SIK2: variants seen among roughly 807,000 people sequenced by gnomAD.
SIK2 encodes the protein serine/threonine-protein kinase SIK2.
Under a neutral mutation model 103.2 loss-of-function variants are expected in SIK2, and 29 were observed. The ratio of observed to expected loss-of-function variants is 0.28; its 90% CI spans 0.21 to 0.38. The LOEUF is 0.38. Ranked by LOEUF, SIK2 falls within the 10% of genes least tolerant of loss-of-function variation. SIK2 has a pLI of 1.00. For missense variants in SIK2, 879 were observed against 1,171.0 expected (o/e 0.75, Z 3.64); for synonymous variants, 412 against 446.1 (o/e 0.92, Z 0.96).
At position 111,726,646 on chromosome 11, in the gene SIK2, G is replaced by A. The variant is rs1239955347; in HGVS notation, c.*2517G>A. On this transcript the variant is annotated 3_prime_UTR_variant, in exon 15 of 15. Transcript: ENST00000304987. Reference sequence around the variant, plus strand: ...TTTGCTCAGCCCTGTCTGATCACCTGTGCTGCTCTGTCCCTAACTAGTGAC... The same window carrying A: ...TTTGCTCAGCCCTGTCTGATCACCTATGCTGCTCTGTCCCTAACTAGTGAC... 4.5e-5 allele frequency: 16 copies of A among 353,300 alleles called. No homozygotes were observed. The East Asian group carries it at 8.6e-4, about 19-fold the overall frequency. 21.9% of individuals were successfully genotyped at this position (353,300 alleles called of 1,614,324 possible). A position where few individuals can be genotyped will look rare whatever the true frequency, so the allele number is the denominator to read the frequency against.
chr11:111,713,985 A>G (rs1943572509), intron 9 of SIK2, among the ~76,000 whole-genome samples: 1 of 152,158 alleles, frequency 6.6e-6, no homozygotes, highest in Non-Finnish European at 1.5e-5. Context: ...AATAAATAAA[A>G]TATGATCAGT....
At chr11:111,699,002 T>C (rs1288394489) in intron 4 of SIK2, among the ~76,000 whole-genome samples, 2 of 152,242 alleles carry the variant, frequency 1.3e-5, no homozygotes, top group African/African-American at 4.8e-5. Context: ...TTTGAGAGTA[T>C]AGTTTTTCTA....
Position 111,641,642 on chromosome 11 carries a change from T to C in SIK2, c.316+21240T>C, listed in dbSNP as rs187422172. The stretch of plus-strand genomic sequence containing the variant: ...AGGATCCCAAGTGGTTTCTTGCCTC[T>C]TTATTTCCCTTATCAGTCTTTCCTG... On this transcript the variant is annotated intron_variant, in intron 3 of 14. Coordinates refer to ENST00000304987, the MANE Select transcript of SIK2 (RefSeq NM_015191.3). Among the ~76,000 whole-genome samples the C allele has an allele frequency of 4.8e-3, 736 of 152,328 alleles. 14 individuals are homozygous for C. The highest frequency in any genetic ancestry group is 3.9e-3 in the East Asian group (20 of 5,186).
At chr11:111,698,438 T>G (rs1430662648) in intron 4 of SIK2, among the ~76,000 whole-genome samples, 2 of 152,162 alleles carry the variant, frequency 1.3e-5, no homozygotes, top group Non-Finnish European at 2.9e-5. Context: ...TAAGGGCTCC[T>G]GGAGACATTA....
At chr11:111,719,528 A>G (rs1162268423) in intron 9 of SIK2, among the ~76,000 whole-genome samples, 1 of 152,140 alleles carries the variant, frequency 6.6e-6, no homozygotes, top group Admixed American at 6.5e-5. Flanking sequence ...TGTAATAATG[A>G]TGACTCAGAG....
Position 111,722,722 on chromosome 11 carries a change from C to A in SIK2, c.2113C>A (p.Pro705Thr). Residue 705 changes from proline (P) to threonine (T), a missense_variant, in exon 14 of 15, where the codon CCG becomes ACG. This residue lies in a region of SIK2 where 375 missense variants were observed against 416.3 expected (regional missense o/e 0.90). Transcript: ENST00000304987. The surrounding 1 kb of genome is among the most constrained non-coding windows in gnomAD (Gnocchi z 4.4). ...NTCQLYCKEP[P>T]RSLEQQLQEH... ...CTGTCAGCTTTATTGCAAAGAACCACCGCGGAGCCTTGAGCAGCAGCTGCA... is the reference window on the plus strand; with the variant it reads ...CTGTCAGCTTTATTGCAAAGAACCAACGCGGAGCCTTGAGCAGCAGCTGCA... 1 of 1,614,160 alleles carries A rather than the reference C, an allele frequency of 6.2e-7. No homozygotes were observed. Among genetic ancestry groups the A allele is most frequent in the Non-Finnish European group, 8.5e-7 (1 of 1,179,994 alleles).
intron 2 of SIK2, among the ~76,000 whole-genome samples, chr11:111,617,396 A>G (rs1296739885): frequency 1.3e-5 from 2 of 152,218 alleles, no homozygotes; most frequent in African/African-American, 4.8e-5. Context: ...TTAAACTGAA[A>G]TGTTCCATTA....
chr11:111,658,378 C>T (rs1000942800), intron 3 of SIK2, among the ~76,000 whole-genome samples: 1 of 152,044 alleles, frequency 6.6e-6, no homozygotes, highest in African/African-American at 2.4e-5. Flanking sequence ...CCGTCTTGGC[C>T]TCCCACCAAA....
intron 1 of SIK2, among the ~76,000 whole-genome samples, chr11:111,613,728 C>T (rs560312516): frequency 6.6e-6 from 1 of 152,250 alleles, no homozygotes; most frequent in Admixed American, 6.5e-5. Flanking sequence ...CACCACCAAA[C>T]ATAATGAAAA....
At chr11:111,626,392 A>C (rs996236396) in intron 3 of SIK2, among the ~76,000 whole-genome samples, 1 of 151,426 alleles carries the variant, frequency 6.6e-6, no homozygotes, top group East Asian at 1.9e-4. Context: ...TTTTTTTACA[A>C]AACTATTTCT....
At position 111,602,847 on chromosome 11, in the gene SIK2, C is replaced by G. The variant is rs1157797556; in HGVS notation, c.135+149C>G. On this transcript the variant is annotated intron_variant, in intron 1 of 14. Coordinates refer to ENST00000304987, the MANE Select transcript of SIK2 (RefSeq NM_015191.3). The surrounding 1 kb of genome is among the most constrained non-coding windows in gnomAD (Gnocchi z 4.5). ...GAGCGGGCCTGGGACTGTGAGGACC[C>G]AGGAGGTGCAGGGGGTCGGTGAGCA... The G allele has an allele frequency of 8.6e-7, 1 of 1,168,108 alleles. No individual in the cohort carries two copies. Among genetic ancestry groups the G allele is most frequent in the African/African-American group, 1.6e-5 (1 of 61,542 alleles). The allele number at this position is 1,168,108 out of a possible 1,614,324, so 72.4% of individuals were successfully genotyped here.
At chr11:111,710,550 C>G (rs548883102) in intron 8 of SIK2, among the ~76,000 whole-genome samples, 4 of 152,178 alleles carry the variant, frequency 2.6e-5, no homozygotes, top group Non-Finnish European at 5.9e-5. Context: ...AACTAGGAAC[C>G]GTTAGTATTT....
chr11:111,648,989 T>C (rs1394948887), intron 3 of SIK2, among the ~76,000 whole-genome samples: 1 of 152,202 alleles, frequency 6.6e-6, no homozygotes, highest in Non-Finnish European at 1.5e-5. Flanking sequence ...TATGGTCTCC[T>C]GCTCAATGTG....
chr11:111,620,658 T>G (rs1267176499), intron 3 of SIK2, among the ~76,000 whole-genome samples: 2 of 152,220 alleles, frequency 1.3e-5, no homozygotes, highest in African/African-American at 4.8e-5. Flanking sequence ...TTTAGTCATA[T>G]TGCAAAGGAT....
At position 111,722,736 on chromosome 11, in the gene SIK2, G is replaced by A; in HGVS notation, c.2127G>A (p.Glu709=). ...GCAAAGAACCACCGCGGAGCCTTGAGCAGCAGCTGCAGGAACATAGGTGAG... is the reference window on the plus strand; with the variant it reads ...GCAAAGAACCACCGCGGAGCCTTGAACAGCAGCTGCAGGAACATAGGTGAG... ...LYCKEPPRSL[E]QQLQEHRLQQ... The change falls in exon 14 of 15, where the codon GAG becomes GAA. Residue 709 remains glutamate, a synonymous_variant. Coordinates refer to ENST00000304987, the MANE Select transcript of SIK2 (RefSeq NM_015191.3). This position sits in a 1 kb window ranked among gnomAD's most constrained non-coding sequence, Gnocchi z 4.4. 1 of 1,614,112 alleles carries A rather than the reference G, an allele frequency of 6.2e-7. No individual in the cohort carries two copies. The highest frequency in any genetic ancestry group is 1.3e-5 in the African/African-American group (1 of 75,062).
intron 10 of SIK2, among the ~76,000 whole-genome samples, 157 bp downstream of exon 10, chr11:111,720,160 C>A (rs145532139): frequency 6.6e-6 from 1 of 152,298 alleles, no homozygotes; most frequent in African/African-American, 2.4e-5. Flanking sequence ...CACAGCCTGG[C>A]AGCAGCTATC....
intron 3 of SIK2, among the ~76,000 whole-genome samples, chr11:111,632,105 G>C (rs1942048066): frequency 6.6e-6 from 1 of 152,106 alleles, no homozygotes; most frequent in East Asian, 1.9e-4. Flanking sequence ...AAAAGGAACA[G>C]AAATATGCAG....
At chr11:111,706,418 G>C (rs1242185549) in intron 8 of SIK2, among the ~76,000 whole-genome samples, 1 of 152,080 alleles carries the variant, frequency 6.6e-6, no homozygotes, top group Non-Finnish European at 1.5e-5. Context: ...ATCATCCAGA[G>C]GTTGAGATGA....
In SIK2 at chr11:111,647,681, C is replaced by T. The variant is rs182890010; in HGVS notation, c.316+27279C>T. On this transcript the variant is annotated intron_variant, in intron 3 of 14. Transcript: ENST00000304987. ...GAGATCGAGACCATCCTGGCTAACA[C>T]GGTGAAACCCCATCTCTACTAAAAA... Among the ~76,000 whole-genome samples, 887 of 151,490 alleles carry T rather than the reference C, an allele frequency of 5.9e-3. 13 individuals are homozygous for T. The highest frequency in any genetic ancestry group is 7.0e-3 in the Non-Finnish European group (478 of 67,872).
Sources: gnomAD v4.1 joint callset for allele counts (sites outside exome capture counted in the v4.1 genomes callset) on GRCh38, gnomAD v4.1.1 for gene constraint, gnomAD v4.1.1 regional missense constraint, Gnocchi (gnomAD v3.1) non-coding constraint, MANE v1.5 for transcripts, NCBI Gene and HGNC (gene_info 2026-07-23, HGNC 2026-07-21) for gene names.